The following PLS1 variants were observed in gnomAD, a reference collection of about 807,000 sequenced individuals.
The protein encoded by PLS1 is plastin 1.
PLS1 carries 32 observed loss-of-function variants against 73.7 expected under a neutral mutation model. The ratio of observed to expected loss-of-function variants is 0.43; its 90% CI spans 0.33 to 0.58. The LOEUF is 0.58. Among genes scored for constraint, PLS1 ranks in the 20% least tolerant of loss-of-function variants. PLS1 has a pLI of 0.04. For missense variants in PLS1, 633 were observed against 740.5 expected (o/e 0.85, Z 1.68); for synonymous variants, 217 against 261.3 (o/e 0.83, Z 1.63).
chr3:142,699,841 GTATAAT>G (rs1383767185), intron 12 of PLS1, among the ~76,000 whole-genome samples: 3 of 152,120 alleles, frequency 2.0e-5, no homozygotes, highest in Admixed American at 6.5e-5. Flanking sequence ...TAAATGGGTG[GTATAAT>G]TATAAAGAGT....
At position 142,669,378 on chromosome 3, in the gene PLS1, A is replaced by G. The variant is rs530917573; in HGVS notation, c.71-12A>G. ...AAGATTACAAAATATATTTTATAATATATCTTTACAGATATTGACAATAGT... is the reference window on the plus strand; with the variant it reads ...AAGATTACAAAATATATTTTATAATGTATCTTTACAGATATTGACAATAGT... On this transcript the variant is annotated splice_polypyrimidine_tract_variant and intron_variant, in intron 2 of 15. Transcript: ENST00000457734. 1.4e-6 allele frequency: 2 copies of G among 1,443,310 alleles called. No homozygotes were observed. Among genetic ancestry groups the G allele is most frequent in the East Asian group, 2.3e-5 (1 of 43,452 alleles). 89.4% of individuals were successfully genotyped at this position (1,443,310 alleles called of 1,614,324 possible).
chr3:142,705,114 C>G (rs1053512547), intron 14 of PLS1, among the ~76,000 whole-genome samples: 10 of 151,854 alleles, frequency 6.6e-5, no homozygotes, highest in African/African-American at 1.9e-4. Flanking sequence ...GATTGGTTGT[C>G]CAGTTAAGTA....
intron 2 of PLS1, among the ~76,000 whole-genome samples, chr3:142,665,824 C>G (rs1161212223): frequency 6.7e-6 from 1 of 149,920 alleles, no homozygotes; most frequent in Non-Finnish European, 1.5e-5. Flanking sequence ...TTAACAAAAC[C>G]TTGTGTTGAG....
chr3:142,614,542 A>G (rs1028803481), intron 1 of PLS1, among the ~76,000 whole-genome samples: 5 of 152,192 alleles, frequency 3.3e-5, no homozygotes, highest in Admixed American at 1.3e-4. Context: ...AAAAACAGAA[A>G]TCTGAATTTT....
intron 1 of PLS1, among the ~76,000 whole-genome samples, chr3:142,618,254 C>T (rs1357658723): frequency 6.6e-6 from 1 of 152,138 alleles, no homozygotes; most frequent in African/African-American, 2.4e-5. Context: ...CTCAAACAAA[C>T]TCTGCCTACC....
chr3:142,684,351 A>C lies in PLS1; in HGVS notation c.844A>C (p.Asn282His). Residue 282 changes from asparagine to histidine, a missense_variant, in exon 8 of 16, where the codon AAT becomes CAT. Physicochemically the swap from Asn to His is moderately conservative, Grantham distance 68. Coordinates refer to ENST00000457734, the MANE Select transcript of PLS1 (RefSeq NM_001145319.2). ...LLRWVNYHLT[N>H]AGWHTISNFS... ...GCGATGGGTGAACTACCATCTGACC[A>C]ATGCAGGATGGCATACCATCAGCAA... 6.2e-7 allele frequency: 1 copy of C among 1,613,726 alleles called. No individual in the cohort carries two copies. The highest frequency in any genetic ancestry group is 8.5e-7 in the Non-Finnish European group (1 of 1,179,622).
chr3:142,687,222 T>TAA (rs200366859), intron 9 of PLS1, among the ~76,000 whole-genome samples: 128 of 129,758 alleles, frequency 9.9e-4, no homozygotes, highest in African/African-American at 3.1e-3. Context: ...GCTGATGAGC[T>TAA]AAAAAAAAAA....
intron 1 of PLS1, among the ~76,000 whole-genome samples, chr3:142,616,387 T>A (rs957064238): frequency 2.0e-5 from 3 of 152,236 alleles, no homozygotes; most frequent in Non-Finnish European, 4.4e-5. Context: ...CACTAAATGA[T>A]ATAGAAAATA....
rs1380298275 is a variant in PLS1 at position 142,704,152 on chromosome 3, G to GT, written c.1505+158dup. 1.5e-5 allele frequency: 9 copies of GT among 620,446 alleles called. No homozygotes were observed. The South Asian group carries it at 2.0e-4, about 14-fold the overall frequency. The allele number at this position is 620,446 out of a possible 1,614,324, so 38.4% of individuals were successfully genotyped here. A position where few individuals can be genotyped will look rare whatever the true frequency, so the allele number is the denominator to read the frequency against. On this transcript the variant is annotated intron_variant, in intron 13 of 15. Transcript: ENST00000457734. ...TTTAAAGGATTTACTGTTGATTATG[G>GT]TTTTTTTGTAAATTATATTTTATTT...
chr3:142,601,142 G>A (rs1189679119), intron 1 of PLS1, among the ~76,000 whole-genome samples: 3 of 149,746 alleles, frequency 2.0e-5, no homozygotes, highest in Non-Finnish European at 4.4e-5. Context: ...AGCCAGGATG[G>A]TCTCGATCTC....
chr3:142,709,804 G>A (rs917100533), intron 14 of PLS1, among the ~76,000 whole-genome samples: 52 of 140,222 alleles, frequency 3.7e-4, no homozygotes, highest in Non-Finnish European at 7.6e-5. Context: ...GCAACAGAGC[G>A]AGACTCTGCG....
intron 10 of PLS1, among the ~76,000 whole-genome samples, chr3:142,692,008 C>T (rs1410312843): frequency 6.6e-6 from 1 of 152,018 alleles, no homozygotes; most frequent in East Asian, 1.9e-4. Context: ...ATCTGAATGA[C>T]CTCTGTGAGC....
chr3:142,610,346 A>G (rs919691319), intron 1 of PLS1, among the ~76,000 whole-genome samples: 3 of 152,180 alleles, frequency 2.0e-5, no homozygotes, highest in African/African-American at 7.2e-5. Context: ...TACCTTAAAA[A>G]TAATGCTCCG....
At chr3:142,630,758 GA>G (rs200341072) in intron 1 of PLS1, among the ~76,000 whole-genome samples, 2 of 150,264 alleles carry the variant, frequency 1.3e-5, no homozygotes, top group Non-Finnish European at 3.0e-5. Flanking sequence ...TCTCAAAAAA[GA>G]AAAAAAAGAA....
intron 6 of PLS1, among the ~76,000 whole-genome samples, chr3:142,679,645 G>A (rs1289506904): frequency 6.6e-6 from 1 of 150,936 alleles, no homozygotes; most frequent in Non-Finnish European, 1.5e-5. Context: ...CTCTGTTTTG[G>A]TACCAGTACC....
intron 1 of PLS1, among the ~76,000 whole-genome samples, chr3:142,599,074 C>G (rs1431131981): frequency 1.3e-5 from 2 of 151,770 alleles, no homozygotes; most frequent in Admixed American, 1.3e-4. Context: ...TCTTATTTCC[C>G]GTTCTAGATG....
At chr3:142,694,602 C>A in intron 11 of PLS1, 55 bp downstream of exon 11, 1 of 1,031,792 alleles carries the variant, frequency 9.7e-7, no homozygotes, top group South Asian at 1.3e-5. Flanking sequence ...TTTCAAGTTT[C>A]AAACTGTAGG....
intron 9 of PLS1, among the ~76,000 whole-genome samples, chr3:142,687,093 T>G (rs991131217): frequency 6.6e-6 from 1 of 152,158 alleles, no homozygotes; most frequent in Non-Finnish European, 1.5e-5. Flanking sequence ...TTAGCATAAG[T>G]TATAAATACC....
At chr3:142,697,794 T>C (rs1429072086) in intron 11 of PLS1, among the ~76,000 whole-genome samples, 159 bp from the exon 12 acceptor site, 2 of 152,230 alleles carry the variant, frequency 1.3e-5, no homozygotes, top group African/African-American at 4.8e-5. Flanking sequence ...GACAGATTCT[T>C]AGACTGGAAG....
Sources: allele counts gnomAD v4.1 joint callset (sites outside exome capture counted in the v4.1 genomes callset), GRCh38; gene constraint gnomAD v4.1.1; transcripts MANE v1.5; gene names NCBI Gene and HGNC (gene_info 2026-07-23, HGNC 2026-07-21).